GGA1: variants seen among roughly 807,000 people sequenced by gnomAD.
GGA1 encodes golgi associated, gamma adaptin ear containing, ARF binding protein 1.
Under a neutral mutation model 76.9 loss-of-function variants are expected in GGA1, and 18 were observed. That is an observed-to-expected ratio of 0.23 (90% confidence interval 0.16 to 0.35). The LOEUF (loss-of-function observed/expected upper bound fraction) is 0.35. GGA1 is among the 10% of genes least tolerant of loss of function. The probability of loss-of-function intolerance (pLI) is 1.00; values close to 1 mark genes in which losing one functional copy is unlikely to be tolerated. For synonymous variants in GGA1, 342 were observed against 354.7 expected, an observed-to-expected ratio of 0.96 and a Z score of 0.40; for missense variants, 755 against 859.0, an observed-to-expected ratio of 0.88 and a Z score of 1.51.
rs538690480 is a variant in GGA1 at position 37,632,890 on chromosome 22, C to G, written c.*179C>G. The G allele has an allele frequency of 2.7e-5, 16 of 592,056 alleles. No homozygotes were observed. Among genetic ancestry groups the G allele is most frequent in the African/African-American group, 2.4e-4 (13 of 53,928 alleles). 36.7% of individuals were successfully genotyped at this position (592,056 alleles called of 1,614,324 possible). A position where few individuals can be genotyped will look rare whatever the true frequency, so the allele number is the denominator to read the frequency against. ...CTTCCCCCTCCTGCTCCGGCCCCGCCCCTGCTGAGCCAAACCCAGTAGGAG... is the reference window on the plus strand; with the variant it reads ...CTTCCCCCTCCTGCTCCGGCCCCGCGCCTGCTGAGCCAAACCCAGTAGGAG... On this transcript the variant is annotated 3_prime_UTR_variant, in exon 17 of 17. Transcript: ENST00000343632. This position sits in a 1 kb window ranked among gnomAD's most constrained non-coding sequence, Gnocchi z 5.1.
In GGA1 at chr22:37,625,867, G is replaced by A; in HGVS notation, c.1011G>A (p.Met337Ile). ...LPPAGTTYPA[M>I]PTRPGEQASP... is the part of the protein sequence containing the mutation. ...CTGCGGGCACCACCTACCCAGCTATGCCCACCCGCCCTGGCGAGCAGGCCA... is the reference window on the plus strand; with the variant it reads ...CTGCGGGCACCACCTACCCAGCTATACCCACCCGCCCTGGCGAGCAGGCCA... The change falls in exon 11 of 17, where the codon ATG (methionine) becomes ATA (isoleucine). Residue 337 changes from methionine to isoleucine, a missense_variant. Transcript: ENST00000343632. This position sits in a 1 kb window ranked among gnomAD's most constrained non-coding sequence, Gnocchi z 4.1. The A allele has an allele frequency of 6.2e-7, 1 of 1,611,820 alleles. No individual in the cohort carries two copies. The highest frequency in any genetic ancestry group is 1.1e-5 in the South Asian group (1 of 90,996).
intron 7 of GGA1, among the ~76,000 whole-genome samples, chr22:37,622,662 T>C (rs970585060): frequency 6.6e-6 from 1 of 151,994 alleles, no homozygotes; most frequent in African/African-American, 2.4e-5. Context: ...GACCCTCCCA[T>C]CTCGGCCTCC....
chr22:37,622,092 T>G (rs542757716), intron 7 of GGA1, among the ~76,000 whole-genome samples: 1 of 152,218 alleles, frequency 6.6e-6, no homozygotes, highest in South Asian at 2.1e-4. Context: ...GAGGAGACTT[T>G]TTTTGAGACA....
Position 37,625,910 on chromosome 22 carries a change from G to A in GGA1, c.1054G>A (p.Ala352Thr). Residue 352 changes from alanine (A) to threonine (T), a missense_variant, in exon 11 of 17, where the codon GCC becomes ACC. By Grantham distance (58) the Ala-to-Thr change is moderately conservative. Coordinates refer to ENST00000343632, the MANE Select transcript of GGA1 (RefSeq NM_013365.5). This position sits in a 1 kb window ranked among gnomAD's most constrained non-coding sequence, Gnocchi z 4.1. ...GEQASPEQPS[A>T]SVSLLDDELM... The stretch of plus-strand genomic sequence containing the variant: ...GCAGGCCAGCCCTGAGCAGCCCAGT[G>A]CCTCAGTTTCCCTGCTTGACGACGA... The A allele has an allele frequency of 1.9e-6, 3 of 1,603,542 alleles. No individual in the cohort carries two copies. The highest frequency in any genetic ancestry group is 2.6e-6 in the Non-Finnish European group (3 of 1,174,984).
Position 37,623,373 on chromosome 22 carries a change from A to T in GGA1, c.656A>T (p.Glu219Val). Residue 219 changes from glutamate to valine, a missense_variant, in exon 8 of 17, where the codon GAG becomes GTG. Glu to Val is a moderately radical substitution (Grantham distance 121). Coordinates refer to ENST00000343632, the MANE Select transcript of GGA1 (RefSeq NM_013365.5). This position sits in a 1 kb window ranked among gnomAD's most constrained non-coding sequence, Gnocchi z 4.6. ...EKISKRVNAI[E>V]EVNNNVKLLT... ...ATCTCGAAGAGGGTGAATGCCATCGAGGAGGTGAACAACAATGTGAAACTG... is the reference window on the plus strand; with the variant it reads ...ATCTCGAAGAGGGTGAATGCCATCGTGGAGGTGAACAACAATGTGAAACTG... 6.2e-7 allele frequency: 1 copy of T among 1,613,954 alleles called. No homozygotes were observed. Among genetic ancestry groups the T allele is most frequent in the Non-Finnish European group, 8.5e-7 (1 of 1,179,812 alleles).
In GGA1 at chr22:37,633,106, G is replaced by A. The variant is rs1932098278; in HGVS notation, c.*395G>A. The A allele has an allele frequency of 5.4e-6, 1 of 186,244 alleles. No homozygotes were observed. The highest frequency in any genetic ancestry group is 1.1e-5 in the Non-Finnish European group (1 of 88,158). 11.5% of individuals were successfully genotyped at this position (186,244 alleles called of 1,614,324 possible). On this transcript the variant is annotated 3_prime_UTR_variant, in exon 17 of 17. Coordinates refer to ENST00000343632, the MANE Select transcript of GGA1 (RefSeq NM_013365.5). ...ACCTGTCTCTTATGCCTTATGGGAA[G>A]GCCCAGCCATAACTCGGGGGCCATG...
chr22:37,623,587 G>T lies in GGA1; in HGVS notation c.786G>T (p.Thr262=), dbSNP rs747572352. ...AGCGCTGTGAGCGGATGCGGCCCAC[G>T]CTCTTCCGACTGGCGAGTGACACAG... The part of the protein sequence containing the change: ...LYQRCERMRP[T]LFRLASDTED... The change falls in exon 9 of 17, where the codon ACG becomes ACT. Residue 262 remains threonine (T), a synonymous_variant. Transcript: ENST00000343632. The surrounding 1 kb of genome is among the most constrained non-coding windows in gnomAD (Gnocchi z 4.6). 2.5e-6 allele frequency: 4 copies of T among 1,606,666 alleles called. No individual in the cohort carries two copies. The highest frequency in any genetic ancestry group is 3.4e-6 in the Non-Finnish European group (4 of 1,176,574).
Position 37,632,910 on chromosome 22 carries a change from T to G in GGA1, c.*199T>G, listed in dbSNP as rs944443254. 11 of 577,708 alleles carry G rather than the reference T, an allele frequency of 1.9e-5. No individual in the cohort carries two copies. In the African/African-American group the frequency reaches 2.1e-4, roughly 11 times the overall value. The allele number at this position is 577,708 out of a possible 1,614,324, so 35.8% of individuals were successfully genotyped here. Reference sequence around the variant, plus strand: ...CCCGCCCCTGCTGAGCCAAACCCAGTAGGAGGCTGGGCCTGGGTTTGTGCC... The same window carrying G: ...CCCGCCCCTGCTGAGCCAAACCCAGGAGGAGGCTGGGCCTGGGTTTGTGCC... On this transcript the variant is annotated 3_prime_UTR_variant, in exon 17 of 17. Transcript: ENST00000343632. This position sits in a 1 kb window ranked among gnomAD's most constrained non-coding sequence, Gnocchi z 5.1.
intron 1 of GGA1, 189 bp downstream of exon 1, chr22:37,609,092 C>T: frequency 6.7e-7 from 1 of 1,491,688 alleles, no homozygotes; most frequent in Non-Finnish European, 8.9e-7. Flanking sequence ...CGGCGCGGTC[C>T]AGCGGTGGGA....
rs1302839555 is a variant in GGA1, at chr22:37,624,775, A to C, written c.833-194A>C. Reference sequence around the variant, plus strand: ...AGCCCAGGCAGTATGGCAGGGAGTGAATGAGGGAAGGGTGGGAGGTGAGAC... The same window carrying C: ...AGCCCAGGCAGTATGGCAGGGAGTGCATGAGGGAAGGGTGGGAGGTGAGAC... On this transcript the variant is annotated intron_variant, in intron 9 of 16. Coordinates refer to ENST00000343632, the MANE Select transcript of GGA1 (RefSeq NM_013365.5). The surrounding 1 kb of genome is among the most constrained non-coding windows in gnomAD (Gnocchi z 4.3). The C allele has an allele frequency of 1.5e-6, 1 of 677,952 alleles. No individual in the cohort carries two copies. The highest frequency in any genetic ancestry group is 2.4e-6 in the Non-Finnish European group (1 of 414,938). 42.0% of individuals were successfully genotyped at this position (677,952 alleles called of 1,614,324 possible).
Position 37,630,055 on chromosome 22 carries a change from A to C in GGA1, c.1216A>C (p.Ser406Arg), listed in dbSNP as rs933908433. 2 of 1,606,122 alleles carry C rather than the reference A, an allele frequency of 1.2e-6. No individual in the cohort carries two copies. Among genetic ancestry groups the C allele is most frequent in the East Asian group, 2.3e-5 (1 of 44,278 alleles). ...PALAQAPSME[S>R]RPPAQTSLPA... ...TCTGGCCCAGGCCCCCAGTATGGAA[A>C]GCCGACCCCCAGCGCAGACATCCCT... Residue 406 changes from serine (S) to arginine (R), a missense_variant, in exon 13 of 17, where the codon AGC becomes CGC. Transcript: ENST00000343632.
chr22:37,630,848 G>A (rs1931674007), intron 13 of GGA1, 55 bp from the exon 14 acceptor site: 1 of 1,288,186 alleles, frequency 7.8e-7, no homozygotes, highest in African/African-American at 1.5e-5. Flanking sequence ...AATTACAGGG[G>A]TGAGCTACCA....
At chr22:37,630,629 T>G (rs1218136460) in intron 13 of GGA1, 3 of 509,026 alleles carry the variant, frequency 5.9e-6, no homozygotes, top group Non-Finnish European at 6.9e-6. Flanking sequence ...TACAGTGGCA[T>G]GATCTCGGCT....
rs937676079 is a variant in GGA1, at chr22:37,632,645, C to T, written c.1854C>T (p.Asp618=). The T allele has an allele frequency of 6.2e-7, 1 of 1,613,416 alleles. No individual in the cohort carries two copies. The highest frequency in any genetic ancestry group is 1.6e-4 in the Middle Eastern group (1 of 6,062). The change falls in exon 17 of 17, where the codon GAC becomes GAT. Residue 618 remains aspartate, a synonymous_variant. Transcript: ENST00000343632. The surrounding 1 kb of genome is among the most constrained non-coding windows in gnomAD (Gnocchi z 5.1). Reference sequence around the variant, plus strand: ...ACAAGCTCACCTTCACCATGGGTGACCAGACCTACAACGAGATGGGGGATG... The same window carrying T: ...ACAAGCTCACCTTCACCATGGGTGATCAGACCTACAACGAGATGGGGGATG... ...LRYKLTFTMG[D]QTYNEMGDVD... is the part of the protein sequence containing the mutation.
rs1160978387 is a variant in GGA1 at position 37,631,034 on chromosome 22, A to G, written c.1463A>G (p.Gln488Arg). The G allele has an allele frequency of 6.2e-7, 1 of 1,612,992 alleles. No individual in the cohort carries two copies. Among genetic ancestry groups the G allele is most frequent in the East Asian group, 2.2e-5 (1 of 44,776 alleles). Residue 488 changes from glutamine to arginine, a missense_variant, in exon 14 of 17, where the codon CAG becomes CGG. Gln to Arg is a conservative substitution (Grantham distance 43, BLOSUM62 1). Transcript: ENST00000343632. Reference protein sequence around the residue: ...TVSPEPPRPPQQPVPTELSLA... With the variant: ...TVSPEPPRPPRQPVPTELSLA... ...TCCCCAGAGCCCCCCAGGCCTCCGC[A>G]GCAGCCCGTACCAACCGAGCTCTCA...
rs1369569174 is a variant in GGA1, at chr22:37,630,013, G to C, written c.1174G>C (p.Glu392Gln). ...TTCCCCACAGTCGTCGGATGCCACT[G>C]AGCCCCCAGCCCCTGCTCTGGCCCA... ...WNSFQSSDAT[E>Q]PPAPALAQAP... The change falls in exon 13 of 17, where the codon GAG becomes CAG. Residue 392 changes from glutamate (E) to glutamine (Q), a missense_variant. Coordinates refer to ENST00000343632, the MANE Select transcript of GGA1 (RefSeq NM_013365.5). The C allele has an allele frequency of 1.3e-6, 2 of 1,567,558 alleles. No homozygotes were observed. The highest frequency in any genetic ancestry group is 2.3e-5 in the South Asian group (2 of 85,550).
intron 3 of GGA1, 42 bp downstream of exon 3, chr22:37,617,039 C>T (rs370257314): frequency 2.4e-5 from 37 of 1,569,418 alleles, no homozygotes; most frequent in African/African-American, 1.9e-4. Context: ...CGCCATGTGA[C>T]GACACCAAGG....
chr22:37,626,880 A>T (rs1377562596), intron 11 of GGA1: 1 of 152,364 alleles, frequency 6.6e-6, no homozygotes, highest in East Asian at 1.9e-4. Flanking sequence ...ACGGCAGCAC[A>T]GAAAGGCGCG....
intron 1 of GGA1, chr22:37,609,152 C>T: frequency 1.4e-6 from 2 of 1,453,828 alleles, no homozygotes; most frequent in Non-Finnish European, 1.8e-6. Context: ...CCTGGGACGG[C>T]GAGTGAGCTG....
Sources: allele counts gnomAD v4.1 joint callset (sites outside exome capture counted in the v4.1 genomes callset), GRCh38; gene constraint gnomAD v4.1.1; non-coding constraint Gnocchi (gnomAD v3.1); transcripts MANE v1.5; gene names NCBI Gene and HGNC (gene_info 2026-07-23, HGNC 2026-07-21).